The following GRAP variants were observed in gnomAD, a reference collection of about 807,000 sequenced individuals.
GRAP encodes GRB2-related adapter protein.
A neutral mutation model predicts 9.1 loss-of-function variants in GRAP; 2 were observed. That is an observed-to-expected ratio of 0.22 (90% confidence interval 0.09 to 0.69). GRAP has a LOEUF of 0.69. Ranked by LOEUF, GRAP falls within the 30% of genes least tolerant of loss-of-function variation. GRAP has a pLI of 0.81. For synonymous variants in GRAP, 68 were observed against 73.6 expected, an observed-to-expected ratio of 0.92 and a Z score of 0.39; for missense variants, 113 against 179.4, an observed-to-expected ratio of 0.63 and a Z score of 2.12.
chr17:19,024,350 C>A lies in GRAP; in HGVS notation c.333G>T (p.Leu111=), dbSNP rs1441397671. 6.2e-7 allele frequency: 1 copy of A among 1,612,242 alleles called. No individual in the cohort carries two copies. The highest frequency in any genetic ancestry group is 2.2e-5 in the East Asian group (1 of 44,866). The change falls in exon 4 of 5, where the codon CTG becomes CTT. Residue 111 remains leucine (L), a synonymous_variant. Transcript: ENST00000284154. This position sits in a 1 kb window ranked among gnomAD's most constrained non-coding sequence, Gnocchi z 4.2. The part of the protein sequence containing the change: ...YGDQVQHFKV[L]REASGKYFLW... The stretch of plus-strand genomic sequence containing the variant: ...GGAAGTACTTCCCCGAGGCCTCACG[C>A]AGCACCTTGAAGTGCTGCACCTGGT...
At position 19,021,745 on chromosome 17, in the gene GRAP, G is replaced by A; in HGVS notation, c.*214C>T. 1 of 419,702 alleles carries A rather than the reference G, an allele frequency of 2.4e-6. No homozygotes were observed. Among genetic ancestry groups the A allele is most frequent in the Non-Finnish European group, 4.1e-6 (1 of 243,224 alleles). 26.0% of individuals were successfully genotyped at this position (419,702 alleles called of 1,614,324 possible). Reference sequence around the variant, plus strand: ...CAGCCAATGGAAAGCAACCAGCCAGGAAGCCCCGGAGCTACCCTTGCTGGG... The same window carrying A: ...CAGCCAATGGAAAGCAACCAGCCAGAAAGCCCCGGAGCTACCCTTGCTGGG... On this transcript the variant is annotated 3_prime_UTR_variant, in exon 5 of 5. Coordinates refer to ENST00000284154, the MANE Select transcript of GRAP (RefSeq NM_006613.4). The surrounding 1 kb of genome is among the most constrained non-coding windows in gnomAD (Gnocchi z 4.1).
rs368323315 is a variant in GRAP at position 19,020,724 on chromosome 17, A to G, written c.*1235T>C. ...TTTACTGTTTTCGTTTTGAATACAC[A>G]GGCTGGGTCAGGAGCAGTGAGATTT... On this transcript the variant is annotated 3_prime_UTR_variant, in exon 5 of 5. Transcript: ENST00000284154. The G allele has an allele frequency of 2.9e-5, 12 of 419,688 alleles. No homozygotes were observed. The East Asian group carries it at 6.0e-4, about 21-fold the overall frequency. 26.0% of individuals were successfully genotyped at this position (419,688 alleles called of 1,614,324 possible).
chr17:19,027,499 C>CAA (rs1200791441), intron 3 of GRAP, among the ~76,000 whole-genome samples: 4 of 147,990 alleles, frequency 2.7e-5, no homozygotes, highest in African/African-American at 5.0e-5. Context: ...CACACACACA[C>CAA]ACACACACAC....
At chr17:19,025,531 T>A (rs1206056265) in intron 3 of GRAP, among the ~76,000 whole-genome samples, 1 of 136,220 alleles carries the variant, frequency 7.3e-6, no homozygotes, top group Non-Finnish European at 1.6e-5. Context: ...TGCCCAGCCT[T>A]CCAGCCAGCC....
In GRAP at chr17:19,021,022, A is replaced by G. The variant is rs2044256585; in HGVS notation, c.*937T>C. The stretch of plus-strand genomic sequence containing the variant: ...CAGGCTCTGGGCAGGCCCTGCTCAT[A>G]TCCCTGATCATGGCACATTCTCTGG... On this transcript the variant is annotated 3_prime_UTR_variant, in exon 5 of 5. Coordinates refer to ENST00000284154, the MANE Select transcript of GRAP (RefSeq NM_006613.4). This position sits in a 1 kb window ranked among gnomAD's most constrained non-coding sequence, Gnocchi z 4.1. 6.5e-6 allele frequency: 1 copy of G among 152,948 alleles called. No individual in the cohort carries two copies. Among genetic ancestry groups the G allele is most frequent in the South Asian group, 2.1e-4 (1 of 4,830 alleles). The allele number at this position is 152,948 out of a possible 1,614,324, so 9.5% of individuals were successfully genotyped here. A position where few individuals can be genotyped will look rare whatever the true frequency, so the allele number is the denominator to read the frequency against.
intron 3 of GRAP, chr17:19,031,834 G>A (rs2044339572): frequency 6.7e-6 from 1 of 149,852 alleles, no homozygotes; most frequent in African/African-American, 2.4e-5. Flanking sequence ...ACCACTGAGA[G>A]GCCCCATGAC....
chr17:19,025,112 C>G (rs145881467), intron 3 of GRAP, among the ~76,000 whole-genome samples: 3 of 152,136 alleles, frequency 2.0e-5, no homozygotes, highest in Non-Finnish European at 4.4e-5. Context: ...GCCTTCCAGC[C>G]AGCCCACTAC....
upstream of GRAP, among the ~76,000 whole-genome samples, chr17:19,051,258 A>G (rs975625832): frequency 1.4e-5 from 1 of 74,042 alleles, no homozygotes; most frequent in African/African-American, 3.6e-5. Context: ...CTCACCTGTA[A>G]TCCCAGCTAC....
In GRAP at chr17:19,031,422, A is replaced by G. The variant is rs1164102687; in HGVS notation, c.299+4536T>C. The G allele has an allele frequency of 5.3e-5, 6 of 112,150 alleles. No homozygotes were observed. The Admixed American group carries it at 6.5e-4, about 12-fold the overall frequency. 6.9% of individuals were successfully genotyped at this position (112,150 alleles called of 1,614,324 possible). On this transcript the variant is annotated intron_variant, in intron 3 of 4. Coordinates refer to ENST00000284154, the MANE Select transcript of GRAP (RefSeq NM_006613.4). ...CAGGCTGTCATTTTCCGAGGTGGCCATCAGGTCACCCGGCTTCCCAGCATC... is the reference window on the plus strand; with the variant it reads ...CAGGCTGTCATTTTCCGAGGTGGCCGTCAGGTCACCCGGCTTCCCAGCATC...
In GRAP at chr17:19,027,701, T is replaced by C. The variant is rs1171189609; in HGVS notation, c.300-3318A>G. Among the ~76,000 whole-genome samples the C allele has an allele frequency of 1.5e-5, 2 of 134,814 alleles. 1 individual carries two copies. The highest frequency in any genetic ancestry group is 1.6e-4 in the Admixed American group (2 of 12,522). The allele number at this position is 134,814 out of a possible 152,430, so 88.4% of individuals were successfully genotyped here. ...TCTGCTGCTCCATCTGTCCTATCCC[T>C]GCCTGTGGTTGAGTTTCTCCACCAG... On this transcript the variant is annotated intron_variant, in intron 3 of 4. Transcript: ENST00000284154.
At position 19,027,524 on chromosome 17, in the gene GRAP, A is replaced by ACCCC. The variant is rs1555583256; in HGVS notation, c.300-3145_300-3142dup. Reference sequence around the variant, plus strand: ...CACACACACACACACACACACACACACCCCTACCTCTCCTGGGTTGTAAAT... The same window carrying ACCCC: ...CACACACACACACACACACACACACACCCCCCCCTACCTCTCCTGGGTTGTAAAT... On this transcript the variant is annotated intron_variant, in intron 3 of 4. Transcript: ENST00000284154. 2.2e-5 allele frequency among the ~76,000 whole-genome samples: 3 copies of ACCCC among 139,052 alleles called. 1 individual carries two copies. In the East Asian group the frequency reaches 6.6e-4, roughly 31 times the overall value. 91.2% of individuals were successfully genotyped at this position (139,052 alleles called of 152,430 possible).
chr17:19,031,966 TC>T (rs1805345758), intron 3 of GRAP: 2 of 151,512 alleles, frequency 1.3e-5, no homozygotes, highest in African/African-American at 4.8e-5. Flanking sequence ...CCCAGGAAGC[TC>T]CTGACAGTTT....
chr17:19,027,484 G>GCGCGCACA (rs1555583245), intron 3 of GRAP, among the ~76,000 whole-genome samples: 37 of 121,208 alleles, frequency 3.1e-4, no homozygotes, highest in African/African-American at 1.0e-3. Flanking sequence ...GCGCGCGCGC[G>GCGCGCACA]CACACACACA....
At chr17:19,051,057 G>A (rs199620640), upstream of GRAP, among the ~76,000 whole-genome samples, 828 of 135,640 alleles carry the variant, frequency 6.1e-3, 13 homozygotes, top group East Asian at 0.016. Flanking sequence ...AAAAAAAAAA[G>A]AAAGAAAGAA....
upstream of GRAP, among the ~76,000 whole-genome samples, chr17:19,050,909 C>A (rs1412496931): frequency 1.3e-5 from 2 of 152,048 alleles, no homozygotes; most frequent in Non-Finnish European, 2.9e-5. Flanking sequence ...ATTGGCCAGG[C>A]ATGGTGGCGC....
At chr17:19,023,961 A>T in intron 4 of GRAP, among the ~76,000 whole-genome samples, 1 of 152,048 alleles carries the variant, frequency 6.6e-6, no homozygotes. Context: ...AACAAGCTAG[A>T]CAGTTTGTCC....
intron 4 of GRAP, among the ~76,000 whole-genome samples, chr17:19,022,980 G>C (rs894096111): frequency 1.3e-5 from 2 of 152,234 alleles, no homozygotes; most frequent in South Asian, 4.1e-4. Flanking sequence ...GCCCGGGCCA[G>C]AGCGAGGTGT....
chr17:19,022,260 C>A lies in GRAP; in HGVS notation c.469-116G>T, dbSNP rs1365990729. On this transcript the variant is annotated intron_variant, in intron 4 of 4. Coordinates refer to ENST00000284154, the MANE Select transcript of GRAP (RefSeq NM_006613.4). ...AGGTGAGGAGGGGTCTCGGGCAGCA[C>A]CGGAGTTGAACTTTAAGTCCAGATC... 8 of 558,404 alleles carry A rather than the reference C, an allele frequency of 1.4e-5. No homozygotes were observed. In the South Asian group the frequency reaches 2.2e-4, roughly 16 times the overall value. The allele number at this position is 558,404 out of a possible 1,614,324, so 34.6% of individuals were successfully genotyped here.
rs1345249237 is a variant in GRAP at position 19,024,508 on chromosome 17, G to A, written c.300-125C>T. The stretch of plus-strand genomic sequence containing the variant: ...CACGGTGGGACCTGGAGTCAGATAA[G>A]GTGCAAGTGGGAGAGGCCCCACTGA... On this transcript the variant is annotated intron_variant, in intron 3 of 4. Coordinates refer to ENST00000284154, the MANE Select transcript of GRAP (RefSeq NM_006613.4). The surrounding 1 kb of genome is among the most constrained non-coding windows in gnomAD (Gnocchi z 4.2). The A allele has an allele frequency of 1.4e-6, 2 of 1,452,020 alleles. No homozygotes were observed. Among genetic ancestry groups the A allele is most frequent in the African/African-American group, 2.8e-5 (2 of 70,290 alleles). 89.9% of individuals were successfully genotyped at this position (1,452,020 alleles called of 1,614,324 possible).
Sources: gnomAD v4.1 joint callset for allele counts (sites outside exome capture counted in the v4.1 genomes callset) on GRCh38, gnomAD v4.1.1 for gene constraint, Gnocchi (gnomAD v3.1) non-coding constraint, MANE v1.5 for transcripts, NCBI Gene and HGNC (gene_info 2026-07-23, HGNC 2026-07-21) for gene names.